Variants in SMC6 observed in about 807,000 individuals in gnomAD.
SMC6 encodes structural maintenance of chromosomes protein 6.
Under a neutral mutation model 142.2 loss-of-function variants are expected in SMC6, and 79 were observed. The observed-to-expected ratio is 0.56, with a 90% CI of 0.46 to 0.67. The LOEUF is 0.67. SMC6 is among the 30% of genes least tolerant of loss of function. The pLI is 0.00. For missense variants in SMC6, 1,072 were observed against 1,284.0 expected, an observed-to-expected ratio of 0.83 and a Z score of 2.52; for synonymous variants, 411 against 412.4, an observed-to-expected ratio of 1.00 and a Z score of 0.04.
chr2:17,687,069 A>G (rs1667488958), intron 23 of SMC6, among the ~76,000 whole-genome samples: 1 of 152,180 alleles, frequency 6.6e-6, no homozygotes, highest in East Asian at 1.9e-4. Flanking sequence ...GGCATTTTGG[A>G]TAAGGAATAC....
At chr2:17,733,420 T>C (rs1670001488) in intron 5 of SMC6, among the ~76,000 whole-genome samples, 1 of 152,124 alleles carries the variant, frequency 6.6e-6, no homozygotes, top group South Asian at 2.1e-4. Context: ...TAAGAAAATG[T>C]GGTTAAAAAA....
At chr2:17,739,851 C>CACAG (rs1303479450) in intron 4 of SMC6, among the ~76,000 whole-genome samples, 1 of 144,386 alleles carries the variant, frequency 6.9e-6, no homozygotes, top group African/African-American at 2.6e-5. Flanking sequence ...CACAGACACA[C>CACAG]ACACACACAC....
intron 9 of SMC6, among the ~76,000 whole-genome samples, chr2:17,722,764 T>G (rs148655357): frequency 6.6e-6 from 1 of 152,306 alleles, no homozygotes; most frequent in Non-Finnish European, 1.5e-5. Flanking sequence ...ATGGCTTCTA[T>G]GAGAATTTCT....
At chr2:17,721,639 G>C (rs898624167) in intron 9 of SMC6, among the ~76,000 whole-genome samples, 3 of 151,968 alleles carry the variant, frequency 2.0e-5, no homozygotes, top group African/African-American at 7.2e-5. Context: ...GAGAATGTAA[G>C]GATGAGAAGA....
chr2:17,725,648 T>C (rs1669579240), intron 8 of SMC6, among the ~76,000 whole-genome samples: 1 of 152,204 alleles, frequency 6.6e-6, no homozygotes, highest in African/African-American at 2.4e-5. Flanking sequence ...AATTCCATTC[T>C]TTAAGCAAAA....
At chr2:17,739,000 TTG>T in intron 4 of SMC6, among the ~76,000 whole-genome samples, 1 of 152,196 alleles carries the variant, frequency 6.6e-6, no homozygotes, top group African/African-American at 2.4e-5. Context: ...GACAGGAATA[TTG>T]TCTCTTTCAT....
chr2:17,705,605 G>C lies in SMC6; in HGVS notation c.2006+1614C>G, dbSNP rs143589533. On this transcript the variant is annotated intron_variant, in intron 18 of 27. Coordinates refer to ENST00000448223, the MANE Select transcript of SMC6 (RefSeq NM_001142286.2). ...AAAATTGCCAAGTAAACAAACTTCG[G>C]AAACTACAGCCTAAGCCAAAAATGA... 3.9e-5 allele frequency among the ~76,000 whole-genome samples: 6 copies of C among 152,190 alleles called. No individual in the cohort carries two copies. The East Asian group carries it at 1.2e-3, about 29-fold the overall frequency.
chr2:17,742,718 T>C (rs769884769), intron 3 of SMC6, among the ~76,000 whole-genome samples: 2 of 152,344 alleles, frequency 1.3e-5, no homozygotes, highest in East Asian at 3.9e-4. Flanking sequence ...CTGGAAATCA[T>C]GGTTGACGAA....
At chr2:17,741,220 A>AAAG (rs1670456013) in intron 4 of SMC6, among the ~76,000 whole-genome samples, 5 of 152,204 alleles carry the variant, frequency 3.3e-5, no homozygotes, top group Admixed American at 3.3e-4. Flanking sequence ...TAAAGCATTT[A>AAAG]TTGGCCACCT....
chr2:17,666,327 G>T (rs1444547712), intron 27 of SMC6, 93 bp downstream of exon 27: 1 of 868,522 alleles, frequency 1.2e-6, no homozygotes, highest in Non-Finnish European at 1.8e-6. Flanking sequence ...CATTGGTCTT[G>T]TATGTATTTG....
chr2:17,741,299 CA>C (rs1416752693), intron 4 of SMC6, among the ~76,000 whole-genome samples: 1 of 152,208 alleles, frequency 6.6e-6, no homozygotes, highest in Non-Finnish European at 1.5e-5. Flanking sequence ...TTTAGTAAGG[CA>C]AGACACAAGG....
Position 17,731,135 on chromosome 2 carries a change from G to A in SMC6, c.486C>T (p.Ser162=), listed in dbSNP as rs200564518. The A allele has an allele frequency of 1.2e-5, 20 of 1,610,132 alleles. No individual in the cohort carries two copies. Among genetic ancestry groups the A allele is most frequent in the South Asian group, 6.6e-5 (6 of 90,740 alleles). ...GCTCTTCTTTCCTCGTGGAAACCAC[G>A]GAGCCTAGTTATAAGAAACATATGA... ...RSYKLKSATG[S]VVSTRKEELI... Residue 162 remains serine (S), a synonymous_variant, in exon 7 of 28, where the codon TCC becomes TCT. Coordinates refer to ENST00000448223, the MANE Select transcript of SMC6 (RefSeq NM_001142286.2).
At chr2:17,695,323 T>C (rs1038294967) in intron 22 of SMC6, 26 bp from the exon 23 acceptor site, 29 of 1,595,040 alleles carry the variant, frequency 1.8e-5, no homozygotes, top group Admixed American at 7.2e-5. Context: ...TTTATATCTT[T>C]AAAACTCTTC....
intron 25 of SMC6, among the ~76,000 whole-genome samples, chr2:17,673,822 G>A (rs1666882695): frequency 1.3e-5 from 2 of 152,022 alleles, no homozygotes; most frequent in African/African-American, 4.8e-5. Context: ...ACCCACCTCA[G>A]CCTCCCAAAG....
chr2:17,678,606 GAAA>G (rs544540923), intron 25 of SMC6, among the ~76,000 whole-genome samples: 2 of 124,334 alleles, frequency 1.6e-5, no homozygotes, highest in African/African-American at 3.0e-5. Flanking sequence ...TGTCTATACG[GAAA>G]AAAAAAAAAA....
intron 5 of SMC6, among the ~76,000 whole-genome samples, chr2:17,735,845 A>C (rs940182845): frequency 6.6e-6 from 1 of 152,132 alleles, no homozygotes; most frequent in African/African-American, 2.4e-5. Context: ...CTCCAAGGAG[A>C]GTTGAAATAT....
At chr2:17,715,479 G>A (rs1669038167) in intron 15 of SMC6, among the ~76,000 whole-genome samples, 1 of 151,092 alleles carries the variant, frequency 6.6e-6, no homozygotes, top group Non-Finnish European at 1.5e-5. Flanking sequence ...AATGGATCCT[G>A]GTATAAAGGT....
At chr2:17,751,443 A>C (rs1330845843) in intron 2 of SMC6, among the ~76,000 whole-genome samples, 1 of 150,948 alleles carries the variant, frequency 6.6e-6, no homozygotes, top group Non-Finnish European at 1.5e-5. Context: ...AACCTCGGCG[A>C]CAAGAGTAAA....
intron 14 of SMC6, 49 bp downstream of exon 14, chr2:17,716,692 T>A: frequency 6.5e-7 from 1 of 1,549,294 alleles, no homozygotes; most frequent in Non-Finnish European, 8.8e-7. Flanking sequence ...CAAAACTATA[T>A]GATGTAAAAG....
Sources: allele counts gnomAD v4.1 joint callset (sites outside exome capture counted in the v4.1 genomes callset), GRCh38; gene constraint gnomAD v4.1.1; transcripts MANE v1.5; gene names NCBI Gene and HGNC (gene_info 2026-07-23, HGNC 2026-07-21).